RSF1: variants seen among roughly 807,000 people sequenced by gnomAD.
The protein encoded by RSF1 is remodeling and spacing factor 1.
A neutral mutation model predicts 145.2 loss-of-function variants in RSF1; 13 were observed. That is an observed-to-expected ratio of 0.09 (90% CI 0.06 to 0.14). The LOEUF is 0.14. Ranked by LOEUF, RSF1 falls within the 10% of genes least tolerant of loss-of-function variation. RSF1 has a pLI of 1.00. For missense variants in RSF1, 1,517 were observed against 1,718.2 expected, an observed-to-expected ratio of 0.88 and a Z score of 2.07; for synonymous variants, 577 against 592.6, an observed-to-expected ratio of 0.97 and a Z score of 0.38.
chr11:77,697,646 T>C (rs1960314464), intron 7 of RSF1, among the ~76,000 whole-genome samples: 3 of 150,100 alleles, frequency 2.0e-5, no homozygotes, highest in Admixed American at 1.3e-4. Context: ...TACTATTCTT[T>C]TTGGAATATA....
chr11:77,757,483 T>C (rs111707402), intron 2 of RSF1, among the ~76,000 whole-genome samples: 1 of 151,938 alleles, frequency 6.6e-6, no homozygotes, highest in Non-Finnish European at 1.5e-5. Flanking sequence ...ATCGAGACCA[T>C]CCTGGCCAAC....
At chr11:77,761,697 G>A (rs183593693) in intron 2 of RSF1, among the ~76,000 whole-genome samples, 6 of 152,230 alleles carry the variant, frequency 3.9e-5, no homozygotes, top group Non-Finnish European at 4.4e-5. Context: ...AAGCGTAAAG[G>A]TTCACTGGCA....
At chr11:77,672,493 G>A (rs985199487) in intron 14 of RSF1, among the ~76,000 whole-genome samples, 1 of 150,832 alleles carries the variant, frequency 6.6e-6, no homozygotes, top group Non-Finnish European at 1.5e-5. Context: ...AGTAGCTAAA[G>A]CTAGGATCAC....
rs748893129 is a variant in RSF1, at chr11:77,665,449, T to C, written c.*1468A>G. ...ATCACAAGTGCTACACTCTGTACAATGTTATGGCTCTGCCTGAAATTTTAC... is the reference window on the plus strand; with the variant it reads ...ATCACAAGTGCTACACTCTGTACAACGTTATGGCTCTGCCTGAAATTTTAC... On this transcript the variant is annotated 3_prime_UTR_variant, in exon 16 of 16. Transcript: ENST00000308488. 7 of 152,352 alleles carry C rather than the reference T, an allele frequency of 4.6e-5. No individual in the cohort carries two copies. Among genetic ancestry groups the C allele is most frequent in the Non-Finnish European group, 8.8e-5 (6 of 68,026 alleles). 9.4% of individuals were successfully genotyped at this position (152,352 alleles called of 1,614,324 possible).
chr11:77,674,157 A>C (rs1015735738), intron 14 of RSF1, among the ~76,000 whole-genome samples: 1 of 152,210 alleles, frequency 6.6e-6, no homozygotes, highest in Non-Finnish European at 1.5e-5. Context: ...ATAAAGGGGC[A>C]TGATATTATC....
At chr11:77,817,354 G>C (rs1250721735) in intron 1 of RSF1, among the ~76,000 whole-genome samples, 1 of 152,124 alleles carries the variant, frequency 6.6e-6, no homozygotes, top group African/African-American at 2.4e-5. Context: ...CCTCTTTCCT[G>C]CTGCATACTG....
intron 5 of RSF1, among the ~76,000 whole-genome samples, chr11:77,707,798 G>C (rs1960585381): frequency 6.6e-6 from 1 of 152,122 alleles, no homozygotes; most frequent in Non-Finnish European, 1.5e-5. Flanking sequence ...CCTCATTAAA[G>C]AATTTTTCAA....
At chr11:77,794,923 C>T (rs748118429) in intron 1 of RSF1, among the ~76,000 whole-genome samples, 5 of 152,170 alleles carry the variant, frequency 3.3e-5, no homozygotes, top group Non-Finnish European at 5.9e-5. Flanking sequence ...CTTTCCCTCT[C>T]TGCAGATGAT....
At chr11:77,834,270 C>T in the RSF1 span, among the ~76,000 whole-genome samples, 1 of 152,118 alleles carries the variant, frequency 6.6e-6, no homozygotes, top group Non-Finnish European at 1.5e-5. Context: ...CAACAATGAA[C>T]TAAACACTTT....
chr11:77,757,127 C>T (rs892772519), intron 2 of RSF1, among the ~76,000 whole-genome samples: 2 of 152,052 alleles, frequency 1.3e-5, no homozygotes, highest in African/African-American at 4.8e-5. Flanking sequence ...AGGTAAAGCT[C>T]ATTTGAGAAA....
chr11:77,734,466 A>G (rs1442829692), intron 4 of RSF1: 38 of 1,581,544 alleles, frequency 2.4e-5, no homozygotes, highest in Middle Eastern at 2.3e-4. Flanking sequence ...CGGGGAAATT[A>G]GCCGAGGCTT....
intron 1 of RSF1, among the ~76,000 whole-genome samples, chr11:77,797,403 T>C (rs553522351): frequency 1.3e-5 from 2 of 152,242 alleles, no homozygotes; most frequent in Admixed American, 6.5e-5. Context: ...CACAAACAAG[T>C]AATGGGGAAA....
At chr11:77,740,541 C>CTGA (rs1409350164) in intron 4 of RSF1, among the ~76,000 whole-genome samples, 190 bp downstream of exon 4, 22 of 152,214 alleles carry the variant, frequency 1.4e-4, no homozygotes, top group Admixed American at 9.2e-4. Context: ...TGAATATACT[C>CTGA]ATTTACTTGA....
intron 5 of RSF1, among the ~76,000 whole-genome samples, chr11:77,706,312 C>T (rs977785735): frequency 2.0e-5 from 3 of 152,030 alleles, no homozygotes; most frequent in African/African-American, 7.2e-5. Context: ...GTCACCTCCA[C>T]CTTGGCCAGC....
At chr11:77,811,529 CCA>C (rs1334516282) in intron 1 of RSF1, among the ~76,000 whole-genome samples, 3 of 152,110 alleles carry the variant, frequency 2.0e-5, no homozygotes, top group African/African-American at 4.8e-5. Context: ...AGGAAATTTT[CCA>C]CAGAGCATTT....
chr11:77,868,701 T>TTGTTG, the RSF1 span: 20 of 183,512 alleles, frequency 1.1e-4, no homozygotes, highest in Admixed American at 8.9e-4. Context: ...TGTTGTTGTT[T>TTGTTG]TTTAACACAA....
At chr11:77,734,904 G>A (rs1590857602) in intron 4 of RSF1, 2 of 1,581,124 alleles carry the variant, frequency 1.3e-6, no homozygotes, top group African/African-American at 2.7e-5. Flanking sequence ...CACGGTCAAA[G>A]CAGTAAGACA....
At chr11:77,746,916 TC>T (rs1948008185) in intron 3 of RSF1, 119 bp downstream of exon 3, 2 of 551,204 alleles carry the variant, frequency 3.6e-6, no homozygotes, top group Non-Finnish European at 6.4e-6. Flanking sequence ...AAAAATAGAC[TC>T]CATTGTCCTC....
intron 4 of RSF1, among the ~76,000 whole-genome samples, chr11:77,738,456 G>A (rs1961421098): frequency 6.6e-6 from 1 of 152,150 alleles, no homozygotes; most frequent in South Asian, 2.1e-4. Flanking sequence ...GTATATGGGA[G>A]GACGTGCATA....
Sources: allele counts gnomAD v4.1 joint callset (sites outside exome capture counted in the v4.1 genomes callset), GRCh38; gene constraint gnomAD v4.1.1; transcripts MANE v1.5; gene names NCBI Gene and HGNC (gene_info 2026-07-23, HGNC 2026-07-21).